XRN1: variants seen among roughly 807,000 people sequenced by gnomAD.
The protein encoded by XRN1 is 5'-3' exoribonuclease 1.
A neutral mutation model predicts 222.3 loss-of-function variants in XRN1; 67 were observed. The observed-to-expected ratio is 0.30, with a 90% CI of 0.25 to 0.37. The LOEUF is 0.37. Ranked by LOEUF, XRN1 falls within the 10% of genes least tolerant of loss-of-function variation. XRN1 has a pLI of 1.00. For synonymous variants in XRN1, 643 were observed against 652.4 expected (o/e 0.99, Z 0.22); for missense variants, 1,707 against 2,000.2 (o/e 0.85, Z 2.80).
intron 33 of XRN1, among the ~76,000 whole-genome samples, chr3:142,337,173 T>C (rs894770587): frequency 6.6e-6 from 1 of 152,186 alleles, no homozygotes. Context: ...CTTTGCATAG[T>C]TCATGCCTTC....
intron 22 of XRN1, 27 bp downstream of exon 22, chr3:142,383,273 G>A (rs1160648336): frequency 2.6e-6 from 4 of 1,540,850 alleles, no homozygotes; most frequent in Non-Finnish European, 3.6e-6. Context: ...AGAGAAAAAT[G>A]TATCAGTAAC....
At position 142,403,658 on chromosome 3, in the gene XRN1, T is replaced by C. The variant is rs1443611246; in HGVS notation, c.2103+16A>G. ...TTATAGGCATCTAATAAATGAATGA[T>C]AAATAAAATACTTACAAGTTCATCT... On this transcript the variant is annotated intron_variant, in intron 18 of 40. Coordinates refer to ENST00000392981, the MANE Select transcript of XRN1 (RefSeq NM_001282857.2). The C allele has an allele frequency of 3.7e-6, 6 of 1,604,950 alleles. No homozygotes were observed. Among genetic ancestry groups the C allele is most frequent in the Non-Finnish European group, 5.1e-6 (6 of 1,172,630 alleles).
chr3:142,338,801 C>T (rs573050787), intron 33 of XRN1, among the ~76,000 whole-genome samples: 95 of 152,264 alleles, frequency 6.2e-4, no homozygotes, highest in African/African-American at 2.2e-3. Flanking sequence ...TCATCAGCAA[C>T]AGCCTAGCAG....
intron 10 of XRN1, among the ~76,000 whole-genome samples, chr3:142,419,325 A>G (rs575891319): frequency 2.4e-4 from 36 of 150,756 alleles, no homozygotes; most frequent in South Asian, 1.1e-3. Context: ...TTAGGGGGGG[A>G]AAAAAAAAGA....
intron 32 of XRN1, among the ~76,000 whole-genome samples, chr3:142,353,503 A>G (rs1480373836): frequency 6.6e-6 from 1 of 152,224 alleles, no homozygotes; most frequent in Non-Finnish European, 1.5e-5. Context: ...CCAATGGAAC[A>G]GAATAGAGAA....
At chr3:142,439,404 G>A (rs1049250164) in intron 1 of XRN1, among the ~76,000 whole-genome samples, 3 of 152,174 alleles carry the variant, frequency 2.0e-5, no homozygotes, top group African/African-American at 4.8e-5. Context: ...GATTGGTGCC[G>A]CAGACATCTG....
At chr3:142,374,971 C>T (rs996869947) in intron 25 of XRN1, among the ~76,000 whole-genome samples, 1 of 152,118 alleles carries the variant, frequency 6.6e-6, no homozygotes, top group African/African-American at 2.4e-5. Context: ...ATGTGAGACA[C>T]CCAGCGAGAA....
In XRN1 at chr3:142,365,122, C is replaced by A; in HGVS notation, c.3319G>T (p.Asp1107Tyr). 6.2e-7 allele frequency: 1 copy of A among 1,613,348 alleles called. No homozygotes were observed. Among genetic ancestry groups the A allele is most frequent in the Non-Finnish European group, 8.5e-7 (1 of 1,179,650 alleles). ...PDRDAEFCLF[D>Y]RVVNVRENFS... Reference sequence around the variant, plus strand: ...TTTTCTCTCACATTTACAACACGGTCAAAAAGACAAAATTCTGCATCCCGA... The same window carrying A: ...TTTTCTCTCACATTTACAACACGGTAAAAAAGACAAAATTCTGCATCCCGA... The change falls in exon 29 of 41, where the codon GAC becomes TAC. Residue 1107 changes from aspartate to tyrosine, a missense_variant. Around this residue, in one of 2 missense-constraint regions of XRN1, gnomAD observed 1,234 missense variants for 1,518.2 expected, o/e 0.81. Transcript: ENST00000392981.
intron 18 of XRN1, 39 bp downstream of exon 18, chr3:142,403,635 A>T (rs909825598): frequency 6.4e-7 from 1 of 1,560,534 alleles, no homozygotes; most frequent in Non-Finnish European, 8.8e-7. Context: ...TTAATACATT[A>T]TAGGCATCTA....
At chr3:142,345,461 G>GT (rs1323900292) in intron 33 of XRN1, among the ~76,000 whole-genome samples, 33 of 152,280 alleles carry the variant, frequency 2.2e-4, no homozygotes, top group Middle Eastern at 3.4e-3. Context: ...AAAACACACT[G>GT]TAACTCTTTG....
chr3:142,383,528 C>T, intron 21 of XRN1, 115 bp from the exon 22 acceptor site: 1 of 852,794 alleles, frequency 1.2e-6, no homozygotes, highest in African/African-American at 1.7e-5. Flanking sequence ...GAAGATTTTT[C>T]TACATAATGC....
At chr3:142,384,276 A>C (rs1397285697) in intron 21 of XRN1, among the ~76,000 whole-genome samples, 2 of 151,282 alleles carry the variant, frequency 1.3e-5, no homozygotes, top group Non-Finnish European at 2.9e-5. Flanking sequence ...TGTCTCAAAA[A>C]AAAAAAAAGA....
At chr3:142,386,475 A>C (rs191894810) in intron 20 of XRN1, among the ~76,000 whole-genome samples, 1 of 152,244 alleles carries the variant, frequency 6.6e-6, no homozygotes, top group African/African-American at 2.4e-5. Context: ...AGCACCAATT[A>C]ATGATAAAAA....
chr3:142,389,356 A>G (rs1166753577), intron 20 of XRN1, among the ~76,000 whole-genome samples: 1 of 152,104 alleles, frequency 6.6e-6, no homozygotes, highest in Non-Finnish European at 1.5e-5. Context: ...TACTTCCTCC[A>G]CTGAAGTTTT....
intron 1 of XRN1, among the ~76,000 whole-genome samples, chr3:142,443,112 A>G (rs550863232): frequency 1.3e-5 from 2 of 152,270 alleles, no homozygotes; most frequent in South Asian, 4.1e-4. Context: ...CGTTCTTCAA[A>G]TGGAGCCCCA....
intron 23 of XRN1, among the ~76,000 whole-genome samples, chr3:142,379,709 T>G (rs930714622): frequency 6.6e-6 from 1 of 152,242 alleles, no homozygotes; most frequent in Non-Finnish European, 1.5e-5. Flanking sequence ...ACATACAGCC[T>G]TTGCAGAAAG....
At chr3:142,408,930 T>C (rs976518956) in intron 15 of XRN1, among the ~76,000 whole-genome samples, 1 of 152,242 alleles carries the variant, frequency 6.6e-6, no homozygotes, top group African/African-American at 2.4e-5. Context: ...GCTTTTAATT[T>C]ACATTTACCT....
intron 8 of XRN1, among the ~76,000 whole-genome samples, chr3:142,422,259 C>T (rs1449737006): frequency 6.6e-6 from 1 of 152,024 alleles, no homozygotes; most frequent in African/African-American, 2.4e-5. Context: ...AGCTTGAATC[C>T]AGAAGGCAAA....
chr3:142,353,740 G>A (rs575220143), intron 32 of XRN1, among the ~76,000 whole-genome samples: 2 of 152,198 alleles, frequency 1.3e-5, no homozygotes, highest in East Asian at 3.9e-4. Flanking sequence ...AGAAAATCCA[G>A]GAAATACCAC....
Sources: gnomAD v4.1 joint callset for allele counts (sites outside exome capture counted in the v4.1 genomes callset) on GRCh38, gnomAD v4.1.1 for gene constraint, gnomAD v4.1.1 regional missense constraint, MANE v1.5 for transcripts, NCBI Gene and HGNC (gene_info 2026-07-23, HGNC 2026-07-21) for gene names.